ZEB1: variants seen among roughly 807,000 people sequenced by gnomAD.
The protein encoded by ZEB1 is zinc finger E-box-binding homeobox 1.
Under a neutral mutation model 84.9 loss-of-function variants are expected in ZEB1, and 21 were observed. The observed-to-expected ratio is 0.25, with a 90% CI of 0.18 to 0.36. The LOEUF is 0.36. Ranked by LOEUF, ZEB1 falls within the 10% of genes least tolerant of loss-of-function variation. ZEB1 has a pLI of 1.00. For missense variants in ZEB1, 1,104 were observed against 1,330.2 expected (o/e 0.83, Z 2.65); for synonymous variants, 420 against 471.1 (o/e 0.89, Z 1.41).
intron 1 of ZEB1, among the ~76,000 whole-genome samples, chr10:31,390,570 C>A (rs935223775): frequency 6.6e-6 from 1 of 152,126 alleles, no homozygotes; most frequent in Admixed American, 6.6e-5. Flanking sequence ...ACGCTGCTAT[C>A]ATTTCTCTTG....
chr10:31,361,778 A>G (rs1291706974), intron 1 of ZEB1, among the ~76,000 whole-genome samples: 1 of 138,470 alleles, frequency 7.2e-6, no homozygotes, highest in African/African-American at 2.7e-5. Flanking sequence ...AGGCAGAGGC[A>G]CTCCTCACTT....
At chr10:31,441,960 G>A (rs536059330) in intron 1 of ZEB1, among the ~76,000 whole-genome samples, 2 of 152,258 alleles carry the variant, frequency 1.3e-5, no homozygotes, top group East Asian at 1.9e-4. Context: ...ACTGTTGGTG[G>A]GACTGTAAAC....
chr10:31,434,101 G>T (rs1243611232), intron 1 of ZEB1, among the ~76,000 whole-genome samples: 1 of 152,088 alleles, frequency 6.6e-6, no homozygotes, highest in Non-Finnish European at 1.5e-5. Flanking sequence ...ATTTAACCAT[G>T]TTACTTTTAA....
rs144928318 is a variant in ZEB1 at position 31,450,064 on chromosome 10, G to T, written c.59-10973G>T. Among the ~76,000 whole-genome samples, 488 of 152,240 alleles carry T rather than the reference G, an allele frequency of 3.2e-3. 3 individuals carry two copies. The highest frequency in any genetic ancestry group is 0.011 in the African/African-American group (451 of 41,552). On this transcript the variant is annotated intron_variant, in intron 1 of 8. Transcript: ENST00000424869. ...CTCCTACTTCTCTATATAAACTGTA[G>T]ACGTGTTGATCTAAGTCATTTAGAT...
intron 1 of ZEB1, among the ~76,000 whole-genome samples, chr10:31,432,082 A>C (rs886249439): frequency 6.6e-6 from 1 of 152,190 alleles, no homozygotes; most frequent in Non-Finnish European, 1.5e-5. Context: ...ATGATAAAAT[A>C]CTGAAAGAAT....
chr10:31,433,562 C>T lies in ZEB1; in HGVS notation c.59-27475C>T, dbSNP rs550961023. Among the ~76,000 whole-genome samples, 3 of 152,342 alleles carry T rather than the reference C, an allele frequency of 2.0e-5. No individual in the cohort carries two copies. The South Asian group carries it at 6.2e-4, about 32-fold the overall frequency. On this transcript the variant is annotated intron_variant, in intron 1 of 8. Coordinates refer to ENST00000424869, the MANE Select transcript of ZEB1 (RefSeq NM_001174096.2). ...AAAAAAGCAGCTACTTCGGTAGCAA[C>T]TTAATTCCAGGAGTGATTTTCCATA...
chr10:31,415,564 T>G (rs150058563), intron 1 of ZEB1, among the ~76,000 whole-genome samples: 1 of 152,114 alleles, frequency 6.6e-6, no homozygotes, highest in Non-Finnish European at 1.5e-5. Context: ...CTTGTTTAAA[T>G]TATCAGATAT....
At chr10:31,497,969 A>ATAGC (rs1416584266) in intron 3 of ZEB1, among the ~76,000 whole-genome samples, 25 of 150,856 alleles carry the variant, frequency 1.7e-4, no homozygotes, top group African/African-American at 5.7e-4. Flanking sequence ...AGATAGATAG[A>ATAGC]TAGATTTAAA....
chr10:31,343,218 T>C (rs2039709917), intron 1 of ZEB1, among the ~76,000 whole-genome samples: 1 of 152,138 alleles, frequency 6.6e-6, no homozygotes, highest in South Asian at 2.1e-4. Flanking sequence ...GTTTATTCAT[T>C]TTAGCACTAA....
At position 31,450,895 on chromosome 10, in the gene ZEB1, C is replaced by T. The variant is rs943661093; in HGVS notation, c.59-10142C>T. Among the ~76,000 whole-genome samples, 12 of 136,118 alleles carry T rather than the reference C, an allele frequency of 8.8e-5. No individual in the cohort carries two copies. The South Asian group carries it at 1.8e-3, about 21-fold the overall frequency. 89.3% of individuals were successfully genotyped at this position (136,118 alleles called of 152,430 possible). On this transcript the variant is annotated intron_variant, in intron 1 of 8. Transcript: ENST00000424869. ...GAGCGTGTGTGTGTGTGTGTGCGTG[C>T]GTGCGCATGTGTGCCTGTGTGTGTG...
chr10:31,377,889 G>A (rs2046947875), intron 1 of ZEB1, among the ~76,000 whole-genome samples: 1 of 151,468 alleles, frequency 6.6e-6, no homozygotes, highest in African/African-American at 2.4e-5. Context: ...TCTGCTGTTG[G>A]CAACACTAGA....
chr10:31,336,481 A>G (rs1476248781), intron 1 of ZEB1, among the ~76,000 whole-genome samples: 1 of 152,208 alleles, frequency 6.6e-6, no homozygotes, highest in Non-Finnish European at 1.5e-5. Context: ...AGGCTAGAAT[A>G]TCTCTATGAC....
chr10:31,374,614 G>T (rs1286476481), intron 1 of ZEB1, among the ~76,000 whole-genome samples: 1 of 151,628 alleles, frequency 6.6e-6, no homozygotes, highest in East Asian at 1.9e-4. Context: ...TTCCTATAAG[G>T]GTAGGAACAA....
chr10:31,478,691 T>C (rs922553757), intron 2 of ZEB1, among the ~76,000 whole-genome samples: 3 of 151,896 alleles, frequency 2.0e-5, no homozygotes, highest in Non-Finnish European at 2.9e-5. Flanking sequence ...TGAAATTATG[T>C]CCTTTTTAGA....
At chr10:31,458,296 G>A (rs2061459858) in intron 1 of ZEB1, among the ~76,000 whole-genome samples, 1 of 150,994 alleles carries the variant, frequency 6.6e-6, no homozygotes, top group Non-Finnish European at 1.5e-5. Flanking sequence ...TCATTTGCCA[G>A]TAAGCATCTC....
At chr10:31,440,443 C>T (rs1371625631) in intron 1 of ZEB1, among the ~76,000 whole-genome samples, 1 of 152,148 alleles carries the variant, frequency 6.6e-6, no homozygotes, top group Admixed American at 6.6e-5. Context: ...AATCCACAAC[C>T]AATATCATAC....
intron 6 of ZEB1, among the ~76,000 whole-genome samples, chr10:31,517,441 A>G (rs1592056675): frequency 6.6e-6 from 1 of 151,826 alleles, no homozygotes; most frequent in Non-Finnish European, 1.5e-5. Context: ...CCATGGTCTT[A>G]GTAATTTTTG....
At chr10:31,503,563 A>G (rs1188840533) in intron 4 of ZEB1, among the ~76,000 whole-genome samples, 1 of 151,984 alleles carries the variant, frequency 6.6e-6, no homozygotes, top group Non-Finnish European at 1.5e-5. Context: ...TGATATACCA[A>G]CTTCCTTTGG....
intron 1 of ZEB1, among the ~76,000 whole-genome samples, chr10:31,397,692 T>G (rs1170439754): frequency 6.6e-6 from 1 of 152,174 alleles, no homozygotes; most frequent in Non-Finnish European, 1.5e-5. Context: ...TAAGAATTGT[T>G]TTTACATTTT....
Sources: allele counts gnomAD v4.1 joint callset (sites outside exome capture counted in the v4.1 genomes callset), GRCh38; gene constraint gnomAD v4.1.1; transcripts MANE v1.5; gene names NCBI Gene and HGNC (gene_info 2026-07-23, HGNC 2026-07-21).